UNC79: variants seen among roughly 807,000 people sequenced by gnomAD.
UNC79 encodes unc-79 subunit of NALCN channel complex.
A neutral mutation model predicts 283.1 loss-of-function variants in UNC79; 37 were observed. The ratio of observed to expected loss-of-function variants is 0.13; its 90% confidence interval spans 0.10 to 0.17. The LOEUF (loss-of-function observed/expected upper bound fraction) is 0.17, where lower values mean the gene tolerates loss of function less well. Ranked by LOEUF, UNC79 falls within the 10% of genes least tolerant of loss-of-function variation. The pLI, the probability that UNC79 is intolerant of heterozygous loss-of-function variation, is 1.00. For missense variants in UNC79, 2,272 were observed against 3,211.1 expected (o/e 0.71, Z 7.07); for synonymous variants, 1,107 against 1,200.2 (o/e 0.92, Z 1.61).
At chr14:93,577,031 A>G (rs1055138624) in intron 17 of UNC79, among the ~76,000 whole-genome samples, 10 of 120,318 alleles carry the variant, frequency 8.3e-5, no homozygotes, top group Non-Finnish European at 1.4e-4. Flanking sequence ...CCTTGTCTCT[A>G]CAAAAAAATT....
intron 1 of UNC79, among the ~76,000 whole-genome samples, chr14:93,362,442 G>A (rs542072779): frequency 8.5e-5 from 13 of 152,096 alleles, no homozygotes; most frequent in African/African-American, 1.9e-4. Flanking sequence ...TCCACCTCCC[G>A]GGTTCCAGCG....
At chr14:93,668,027 C>T (rs2072406859) in intron 40 of UNC79, among the ~76,000 whole-genome samples, 1 of 152,040 alleles carries the variant, frequency 6.6e-6, no homozygotes, top group Non-Finnish European at 1.5e-5. Context: ...GTGGGTCTAC[C>T]AGAAACATCT....
At chr14:93,375,962 G>A (rs1452256864) in intron 1 of UNC79, among the ~76,000 whole-genome samples, 3 of 152,130 alleles carry the variant, frequency 2.0e-5, no homozygotes, top group Non-Finnish European at 4.4e-5. Context: ...AGCATGTTAG[G>A]CCCTTCACCA....
At chr14:93,537,489 C>T (rs1018142366) in intron 11 of UNC79, among the ~76,000 whole-genome samples, 3 of 152,188 alleles carry the variant, frequency 2.0e-5, no homozygotes, top group South Asian at 2.1e-4. Context: ...TCCTTGAATG[C>T]GACAAGGACA....
chr14:93,698,541 C>A (rs7150137), intron 47 of UNC79, among the ~76,000 whole-genome samples: 99,528 of 142,134 alleles, frequency 0.7, 35,184 homozygotes, highest in Middle Eastern at 0.79. Context: ...ACTGGAGTGC[C>A]GTGGTGCGAT....
chr14:93,467,809 C>T lies in UNC79; in HGVS notation c.143+18C>T, dbSNP rs1301917910. 6 of 1,485,934 alleles carry T rather than the reference C, an allele frequency of 4.0e-6. No individual in the cohort carries two copies. Among genetic ancestry groups the T allele is most frequent in the Non-Finnish European group, 4.4e-6 (5 of 1,129,430 alleles). 92.0% of individuals were successfully genotyped at this position (1,485,934 alleles called of 1,614,324 possible). ...TTGTTAAGGTAAGCTTTACAATATC[C>T]TCTACTTTGAGAGAATTATTAGGTA... On this transcript the variant is annotated intron_variant, in intron 2 of 48. Coordinates refer to ENST00000555664, the Ensembl canonical transcript of UNC79.
At chr14:93,520,305 C>G (rs1378944881) in intron 7 of UNC79, among the ~76,000 whole-genome samples, 1 of 151,734 alleles carries the variant, frequency 6.6e-6, no homozygotes, top group Non-Finnish European at 1.5e-5. Context: ...AGTAATGTGT[C>G]TTTTTTTCCC....
intron 33 of UNC79, 120 bp downstream of exon 36, chr14:93,641,367 T>A: frequency 1.1e-6 from 1 of 914,320 alleles, no homozygotes; most frequent in Non-Finnish European, 1.7e-6. Flanking sequence ...GTTCCTCCAG[T>A]ATATTGCCTG....
At chr14:93,471,256 A>G (rs1273861980) in intron 2 of UNC79, among the ~76,000 whole-genome samples, 1 of 152,216 alleles carries the variant, frequency 6.6e-6, no homozygotes, top group Non-Finnish European at 1.5e-5. Context: ...CATAGATTCA[A>G]CTCAAATGTC....
intron 26 of UNC79, among the ~76,000 whole-genome samples, chr14:93,609,151 AT>A (rs1454384028): frequency 6.6e-6 from 1 of 152,206 alleles, no homozygotes; most frequent in African/African-American, 2.4e-5. Flanking sequence ...GCTGAGAGGA[AT>A]ATTGGGTATA....
chr14:93,378,307 A>G (rs183305455), intron 1 of UNC79, among the ~76,000 whole-genome samples: 3 of 152,318 alleles, frequency 2.0e-5, no homozygotes, highest in Admixed American at 6.5e-5. Flanking sequence ...TTCTCACTGT[A>G]TCTTTAGGTG....
At chr14:93,607,664 C>G (rs2065979517) in intron 26 of UNC79, among the ~76,000 whole-genome samples, 1 of 152,158 alleles carries the variant, frequency 6.6e-6, no homozygotes, top group Non-Finnish European at 1.5e-5. Context: ...CAGATTGGTC[C>G]AGAGCTATCC....
At chr14:93,704,745 C>T in intron 48 of UNC79, 79 bp downstream of exon 51, 1 of 1,529,790 alleles carries the variant, frequency 6.5e-7, no homozygotes, top group Non-Finnish European at 9.1e-7. Flanking sequence ...GTTGATGCTC[C>T]ATTTACTATG....
chr14:93,442,876 G>T (rs1192810389), intron 1 of UNC79, among the ~76,000 whole-genome samples: 2 of 152,040 alleles, frequency 1.3e-5, no homozygotes, highest in South Asian at 4.1e-4. Flanking sequence ...ATCACTTTAG[G>T]TCAGGAGTTT....
chr14:93,571,909 G>T (rs757456124), exon 15 of UNC79: 1 of 1,613,800 alleles, frequency 6.2e-7, no homozygotes, highest in Non-Finnish European at 8.5e-7. Flanking sequence ...TGGCTACTGG[G>T]ATAAGTCCTG....
At chr14:93,572,946 C>G in intron 16 of UNC79, 130 bp downstream of exon 16, 6 of 1,181,858 alleles carry the variant, frequency 5.1e-6, no homozygotes, top group Non-Finnish European at 7.1e-6. Context: ...GAAAGTGTAT[C>G]TCCTATGCAT....
intron 7 of UNC79, among the ~76,000 whole-genome samples, chr14:93,515,647 C>T (rs1426211498): frequency 1.3e-5 from 2 of 151,822 alleles, no homozygotes; most frequent in Admixed American, 6.6e-5. Context: ...TTTATCTTTC[C>T]CTCTATATTC....
Position 93,434,601 on chromosome 14 carries a change from G to A in UNC79, c.22+3550G>A, listed in dbSNP as rs1503961. The stretch of plus-strand genomic sequence containing the variant: ...AAAAGAAGCTCTGCTTTTGGTAACA[G>A]CAGACATTCAGAGTTGGGGTTCTAG... On this transcript the variant is annotated intron_variant, in intron 1 of 48. Transcript: ENST00000555664. Among the ~76,000 whole-genome samples, 1,420 of 152,294 alleles carry A rather than the reference G, an allele frequency of 9.3e-3. 35 individuals carry two copies. The highest frequency in any genetic ancestry group is 0.092 in the East Asian group (479 of 5,186).
intron 1 of UNC79, among the ~76,000 whole-genome samples, chr14:93,398,422 C>A (rs566583877): frequency 6.6e-6 from 1 of 152,202 alleles, no homozygotes; most frequent in East Asian, 1.9e-4. Context: ...TGGAAGGGCA[C>A]AATGTAGGCA....
Sources: gnomAD v4.1 joint callset for allele counts (sites outside exome capture counted in the v4.1 genomes callset) on GRCh38, gnomAD v4.1.1 for gene constraint, MANE v1.5 for transcripts, NCBI Gene and HGNC (gene_info 2026-07-23, HGNC 2026-07-21) for gene names.